Variants in A2M observed in about 807,000 individuals in gnomAD.
A2M encodes C3 and PZP-like alpha-2-macroglobulin domain-containing protein 5.
A neutral mutation model predicts 183.9 loss-of-function variants in A2M; 128 were observed. The observed-to-expected ratio is 0.70, with a 90% confidence interval of 0.60 to 0.81. The LOEUF (loss-of-function observed/expected upper bound fraction) is 0.81. Ranked by LOEUF, A2M falls within the 30% of genes least tolerant of loss-of-function variation. The pLI is 0.00. For missense variants in A2M, 1,495 were observed against 1,787.6 expected (o/e 0.84, Z 2.95); for synonymous variants, 592 against 670.8 (o/e 0.88, Z 1.81).
intron 32 of A2M, 46 bp downstream of exon 32, chr12:9,070,442 A>G: frequency 7.9e-7 from 1 of 1,259,976 alleles, no homozygotes; most frequent in Non-Finnish European, 1.2e-6. Flanking sequence ...GGGGATACAT[A>G]CATCATTAAA....
intron 13 of A2M, 98 bp downstream of exon 13, chr12:9,101,046 A>T: frequency 8.7e-7 from 1 of 1,151,414 alleles, no homozygotes; most frequent in Non-Finnish European, 1.2e-6. Flanking sequence ...TCCCCCAAAA[A>T]CCTATGGAAA....
chr12:9,089,849 AC>A, intron 21 of A2M, 52 bp downstream of exon 21: 1 of 1,121,782 alleles, frequency 8.9e-7, no homozygotes, highest in Non-Finnish European at 1.3e-6. Context: ...TTATTATATT[AC>A]CCACATATAT....
chr12:9,099,038 G>A (rs1263715244), intron 14 of A2M, among the ~76,000 whole-genome samples: 1 of 152,124 alleles, frequency 6.6e-6, no homozygotes, highest in African/African-American at 2.4e-5. Flanking sequence ...CATTAATTGT[G>A]GTGGGACATG....
intron 33 of A2M, 79 bp from the exon 34 acceptor site, chr12:9,068,921 T>C (rs754450531): frequency 9.7e-7 from 1 of 1,033,722 alleles, no homozygotes; most frequent in East Asian, 2.6e-5. Context: ...TTCACCTGTT[T>C]TTTGGGGGAA....
Position 9,095,646 on chromosome 12 carries a change from C to T in A2M, c.1906G>A (p.Asp636Asn), listed in dbSNP as rs1949351531. The change falls in exon 16 of 36, where the codon GAC (aspartate) becomes AAC (asparagine). Residue 636 changes from aspartate (D) to asparagine (N), a missense_variant. Transcript: ENST00000318602. ...DLTGFPGPLN[D>N]QDNEDCINRH... ...TTGATGCAGTCTTCATTGTCCTGGT[C>T]ATTCAAAGGCCCAGGGAAGCCAGTG... The T allele has an allele frequency of 6.2e-7, 1 of 1,609,658 alleles. No homozygotes were observed. The highest frequency in any genetic ancestry group is 8.5e-7 in the Non-Finnish European group (1 of 1,177,582).
At chr12:9,105,310 T>A (rs1389393184) in intron 10 of A2M, among the ~76,000 whole-genome samples, 2 of 152,182 alleles carry the variant, frequency 1.3e-5, no homozygotes, top group African/African-American at 4.8e-5. Context: ...GAGAGTCTTA[T>A]GACAAATAGG....
intron 7 of A2M, among the ~76,000 whole-genome samples, chr12:9,107,860 TC>T (rs1395845194): frequency 1.3e-5 from 2 of 152,188 alleles, no homozygotes; most frequent in African/African-American, 4.8e-5. Context: ...TTTTATCATT[TC>T]TTTTTTTTCC....
rs376284720 is a variant in A2M, at chr12:9,077,803, G to T, written c.3174C>A (p.Ile1058=). Residue 1058 remains isoleucine (I), a synonymous_variant, in exon 26 of 36, where the codon ATC becomes ATA. Transcript: ENST00000318602. ...TFAQARAYIF[I]DEAHITQALI... is the part of the protein sequence containing the mutation. The stretch of plus-strand genomic sequence containing the variant: ...GGGCTTGGGTAATGTGTGCTTCATC[G>T]ATGAAGATGTAGGCTCGAGCTTGGG... 1 of 1,614,152 alleles carries T rather than the reference G, an allele frequency of 6.2e-7. No individual in the cohort carries two copies. The highest frequency in any genetic ancestry group is 2.2e-5 in the East Asian group (1 of 44,878).
At chr12:9,094,339 G>GAATATA (rs1565592461) in intron 17 of A2M, among the ~76,000 whole-genome samples, 1 of 65,258 alleles carries the variant, frequency 1.5e-5, no homozygotes, top group Non-Finnish European at 3.1e-5. Context: ...AAAAAATTGT[G>GAATATA]CATATATATA....
chr12:9,074,898 A>G, intron 28 of A2M, 115 bp from the exon 29 acceptor site: 2 of 1,097,732 alleles, frequency 1.8e-6, no homozygotes, highest in South Asian at 1.6e-5. Flanking sequence ...AATCCCCTGT[A>G]CTGTATGTAG....
intron 14 of A2M, 129 bp from the exon 15 acceptor site, chr12:9,098,885 T>A: frequency 1.0e-6 from 1 of 990,848 alleles, no homozygotes; most frequent in Non-Finnish European, 1.5e-6. Flanking sequence ...GGGTTGGCAT[T>A]GTGTCAATCC....
chr12:9,078,173 C>T (rs749929661), intron 25 of A2M, among the ~76,000 whole-genome samples: 6 of 152,052 alleles, frequency 3.9e-5, no homozygotes, highest in Admixed American at 3.3e-4. Flanking sequence ...TTGACCCATC[C>T]GCTTAGTTCC....
chr12:9,098,608 G>C lies in A2M; in HGVS notation c.1850C>G (p.Ser617Trp). The C allele has an allele frequency of 1.3e-6, 2 of 1,597,294 alleles. No homozygotes were observed. The highest frequency in any genetic ancestry group is 2.3e-5 in the South Asian group (2 of 87,952). ...TTCCTGAGGCTGCCAGGAACTCACCGAGGACGCCGAGAGCTCAGCATCAGG... is the reference window on the plus strand; with the variant it reads ...TTCCTGAGGCTGCCAGGAACTCACCCAGGACGCCGAGAGCTCAGCATCAGG... ...MKPDAELSAS[S>W]VYNLLPEKDL... The change falls in exon 15 of 36, where the codon TCG (serine) becomes TGG (tryptophan). Residue 617 changes from serine to tryptophan, a missense_variant and splice_region_variant. Coordinates refer to ENST00000318602, the MANE Select transcript of A2M (RefSeq NM_000014.6).
chr12:9,108,450 A>G (rs1340412587), intron 7 of A2M, among the ~76,000 whole-genome samples: 1 of 152,050 alleles, frequency 6.6e-6, no homozygotes, highest in Non-Finnish European at 1.5e-5. Flanking sequence ...CAAAAGTGGG[A>G]TTGTGTCGTA....
chr12:9,107,414 G>A, intron 8 of A2M, 110 bp downstream of exon 8: 1 of 1,305,834 alleles, frequency 7.7e-7, no homozygotes, highest in South Asian at 1.5e-5. Flanking sequence ...TAGCCAACAT[G>A]GAATTCTCTT....
At chr12:9,076,969 A>G (rs368092313) in intron 27 of A2M, 33 bp from the exon 28 acceptor site, 3 of 1,520,322 alleles carry the variant, frequency 2.0e-6, no homozygotes, top group African/African-American at 1.4e-5. Context: ...GAACTAAGCT[A>G]TGTAAACAGG....
chr12:9,097,582 T>G (rs1949419650), intron 15 of A2M, among the ~76,000 whole-genome samples: 1 of 151,664 alleles, frequency 6.6e-6, no homozygotes, highest in African/African-American at 2.4e-5. Context: ...ATATGTTCCC[T>G]CAGAAATTAT....
At chr12:9,083,339 T>C (rs1592347814) in intron 22 of A2M, among the ~76,000 whole-genome samples, 1 of 151,444 alleles carries the variant, frequency 6.6e-6, no homozygotes, top group Non-Finnish European at 1.5e-5. Flanking sequence ...TGTATACATA[T>C]GTAATAAACC....
chr12:9,101,487 C>T lies in A2M; in HGVS notation c.1454G>A (p.Gly485Asp). ...GAGCTTCTTCAGCCCCAGCAGGGTG[C>T]CTCCATTCAGAATATAATGTGCCTG... is the stretch of plus-strand genomic sequence containing the variant. ...TVQAHYILNGGTLLGLKKLSF... is the reference protein window; with the variant it reads ...TVQAHYILNGDTLLGLKKLSF... Residue 485 changes from glycine to aspartate, a missense_variant, in exon 12 of 36, where the codon GGC becomes GAC. Coordinates refer to ENST00000318602, the MANE Select transcript of A2M (RefSeq NM_000014.6). The T allele has an allele frequency of 2.5e-6, 4 of 1,613,874 alleles. No homozygotes were observed. Among genetic ancestry groups the T allele is most frequent in the Non-Finnish European group, 3.4e-6 (4 of 1,179,864 alleles).
Sources: allele counts gnomAD v4.1 joint callset (sites outside exome capture counted in the v4.1 genomes callset), GRCh38; gene constraint gnomAD v4.1.1; transcripts MANE v1.5; gene names NCBI Gene and HGNC (gene_info 2026-07-23, HGNC 2026-07-21).